PREX2: variants seen among roughly 807,000 people sequenced by gnomAD.
PREX2 encodes the protein phosphatidylinositol-3,4,5-trisphosphate dependent Rac exchange factor 2, also known as phosphatidylinositol 3,4,5-trisphosphate-dependent Rac exchanger 2 protein.
PREX2 carries 107 observed loss-of-function variants against 203.2 expected under a neutral mutation model. The ratio of observed to expected loss-of-function variants is 0.53; its 90% CI spans 0.45 to 0.62. PREX2 has a LOEUF of 0.62. PREX2 is among the 20% of genes least tolerant of loss of function. The probability of loss-of-function intolerance (pLI) is 0.00; values close to 1 mark genes in which losing one functional copy is unlikely to be tolerated. For missense variants in PREX2, 1,777 were observed against 1,955.9 expected, an observed-to-expected ratio of 0.91 and a Z score of 1.72; for synonymous variants, 672 against 663.6, an observed-to-expected ratio of 1.01 and a Z score of -0.19.
intron 2 of PREX2, 81 bp from the exon 3 acceptor site, chr8:68,019,468 T>C: frequency 8.8e-7 from 1 of 1,137,438 alleles, no homozygotes; most frequent in Non-Finnish European, 1.2e-6. Flanking sequence ...GTTTTCAGGT[T>C]GGAGAGAGAA....
chr8:68,094,356 G>A (rs1025996237), intron 21 of PREX2, among the ~76,000 whole-genome samples: 1 of 152,098 alleles, frequency 6.6e-6, no homozygotes, highest in Non-Finnish European at 1.5e-5. Context: ...GTGTGAAAAT[G>A]AGAGAGAAAC....
intron 37 of PREX2, among the ~76,000 whole-genome samples, chr8:68,212,361 C>G (rs1241710708): frequency 6.6e-6 from 1 of 152,142 alleles, no homozygotes; most frequent in Non-Finnish European, 1.5e-5. Context: ...TCTTTGTCCT[C>G]TCACTAAAAT....
At chr8:68,214,660 A>G (rs1401963775) in intron 37 of PREX2, among the ~76,000 whole-genome samples, 7 of 152,200 alleles carry the variant, frequency 4.6e-5, no homozygotes, top group African/African-American at 7.2e-5. Context: ...TCCACTTGAC[A>G]TTCAAATTGA....
chr8:68,077,362 C>T (rs754257027), intron 14 of PREX2, 35 bp from the exon 15 acceptor site: 36 of 1,504,712 alleles, frequency 2.4e-5, no homozygotes, highest in Non-Finnish European at 3.3e-5. Flanking sequence ...CCTTTAGTTG[C>T]CTATTAACTC....
chr8:68,142,680 CTTAG>C (rs1335054851), intron 33 of PREX2, among the ~76,000 whole-genome samples: 1 of 152,152 alleles, frequency 6.6e-6, no homozygotes, highest in African/African-American at 2.4e-5. Flanking sequence ...TTAAGAGCTT[CTTAG>C]TTTGGCAAGA....
chr8:68,099,748 A>C lies in PREX2; in HGVS notation c.2620A>C (p.Asn874His). The change falls in exon 23 of 40, where the codon AAT (asparagine) becomes CAT (histidine). Residue 874 changes from asparagine (N) to histidine (H), a missense_variant. Physicochemically the swap from Asn to His is moderately conservative, Grantham distance 68. Coordinates refer to ENST00000288368, the MANE Select transcript of PREX2 (RefSeq NM_024870.4). The part of the protein sequence containing the change: ...VQNCTSLNSL[N>H]EVIPTDLQSK... ...AAACTGTACCAGCCTAAATTCTCTA[A>C]ATGAAGTGATTCCTACTGACCTTCA... The C allele has an allele frequency of 1.2e-6, 2 of 1,613,994 alleles. No individual in the cohort carries two copies. The highest frequency in any genetic ancestry group is 1.7e-6 in the Non-Finnish European group (2 of 1,179,966).
intron 37 of PREX2, among the ~76,000 whole-genome samples, chr8:68,196,481 A>ATATATAGTGTC (rs1812398709): frequency 6.8e-6 from 1 of 146,366 alleles, no homozygotes; most frequent in South Asian, 2.1e-4. Flanking sequence ...ATATGTACAT[A>ATATATAGTGTC]TATATATATG....
At chr8:68,130,317 C>T (rs1204673417) in intron 31 of PREX2, among the ~76,000 whole-genome samples, 1 of 151,728 alleles carries the variant, frequency 6.6e-6, no homozygotes, top group Non-Finnish European at 1.5e-5. Context: ...GAAACAAAAA[C>T]ACACAAAAAA....
intron 3 of PREX2, among the ~76,000 whole-genome samples, chr8:68,021,599 G>A (rs558978341): frequency 9.9e-5 from 15 of 152,106 alleles, no homozygotes; most frequent in South Asian, 4.1e-4. Context: ...ACTTTATTCC[G>A]TCTCCCTGCC....
intron 6 of PREX2, among the ~76,000 whole-genome samples, chr8:68,033,941 A>G (rs1370232637): frequency 6.6e-6 from 1 of 152,200 alleles, no homozygotes; most frequent in East Asian, 1.9e-4. Flanking sequence ...AGGTGACAAC[A>G]TTTAGCTGAA....
intron 37 of PREX2, among the ~76,000 whole-genome samples, chr8:68,208,849 G>A (rs1354270212): frequency 2.6e-5 from 4 of 151,932 alleles, no homozygotes; most frequent in Admixed American, 6.6e-5. Flanking sequence ...AGCACTTTGC[G>A]AGGCTAAGGT....
At chr8:68,105,550 C>G (rs554094295) in intron 23 of PREX2, 1 of 1,114,450 alleles carries the variant, frequency 9.0e-7, no homozygotes, top group Non-Finnish European at 1.1e-6. Flanking sequence ...CTTGACATCA[C>G]CCTATTCATT....
rs1809958788 is a variant in PREX2, at chr8:68,093,548, G to T, written c.2251-57G>T. On this transcript the variant is annotated intron_variant, in intron 20 of 39. Transcript: ENST00000288368. ...TAAATAAGGCCAAGTCTCCAAATGG[G>T]CATGTATTTTAGGAAGCACTAATAC... 4.1e-6 allele frequency: 3 copies of T among 732,540 alleles called. No individual in the cohort carries two copies. The East Asian group carries it at 7.7e-5, about 19-fold the overall frequency. The allele number at this position is 732,540 out of a possible 1,614,324, so 45.4% of individuals were successfully genotyped here. A position where few individuals can be genotyped will look rare whatever the true frequency, so the allele number is the denominator to read the frequency against.
intron 38 of PREX2, among the ~76,000 whole-genome samples, chr8:68,218,902 G>T (rs1812898182): frequency 6.6e-6 from 1 of 152,176 alleles, no homozygotes; most frequent in Non-Finnish European, 1.5e-5. Flanking sequence ...CTGTGGGCCA[G>T]CTGGAAAGGG....
intron 4 of PREX2, among the ~76,000 whole-genome samples, chr8:68,022,903 CTTCTTTAACTT>C (rs1408619539): frequency 6.6e-6 from 1 of 152,190 alleles, no homozygotes; most frequent in Non-Finnish European, 1.5e-5. Context: ...TTGTGCCTGA[CTTCTTTAACTT>C]AGTAAAATGT....
At chr8:68,210,519 C>G (rs1456848877) in intron 37 of PREX2, among the ~76,000 whole-genome samples, 1 of 152,154 alleles carries the variant, frequency 6.6e-6, no homozygotes, top group Non-Finnish European at 1.5e-5. Context: ...GAAAACAGAG[C>G]TCAGAACCAT....
chr8:67,962,536 A>G (rs959300603), intron 1 of PREX2, among the ~76,000 whole-genome samples: 16 of 151,588 alleles, frequency 1.1e-4, no homozygotes, highest in African/African-American at 3.6e-4. Context: ...CATTTTCTAT[A>G]CTGTATAACT....
In PREX2 at chr8:68,090,781, T is replaced by C. The variant is rs553898759; in HGVS notation, c.2250+66T>C. 5.8e-6 allele frequency: 8 copies of C among 1,386,046 alleles called. No homozygotes were observed. In the African/African-American group the frequency reaches 9.9e-5, roughly 17 times the overall value. The allele number at this position is 1,386,046 out of a possible 1,614,324, so 85.9% of individuals were successfully genotyped here. A position where few individuals can be genotyped will look rare whatever the true frequency, so the allele number is the denominator to read the frequency against. On this transcript the variant is annotated intron_variant, in intron 20 of 39. Transcript: ENST00000288368. ...TGCATAAAGACCTAAGGGGTTGAGG[T>C]GGGATAGTGCCAGAGATATTTGTGG...
intron 38 of PREX2, among the ~76,000 whole-genome samples, chr8:68,223,592 G>C (rs1041039841): frequency 4.6e-5 from 7 of 152,024 alleles, no homozygotes; most frequent in African/African-American, 1.7e-4. Context: ...TAGCTGGAGA[G>C]AGAGTTTCAG....
Sources: gnomAD v4.1 joint callset for allele counts (sites outside exome capture counted in the v4.1 genomes callset) on GRCh38, gnomAD v4.1.1 for gene constraint, MANE v1.5 for transcripts, NCBI Gene and HGNC (gene_info 2026-07-23, HGNC 2026-07-21) for gene names.